Variants in ART3 observed in about 807,000 individuals in gnomAD.
The protein encoded by ART3 is ecto-ADP-ribosyltransferase 3.
ART3 carries 49 observed loss-of-function variants against 48.5 expected under a neutral mutation model. The observed-to-expected ratio is 1.01, with a 90% CI of 0.80 to 1.28. The LOEUF is 1.28. Among genes scored for constraint, ART3 ranks in the 50% most tolerant of loss-of-function variants. ART3 has a pLI of 0.00. For synonymous variants in ART3, 145 were observed against 157.2 expected, an observed-to-expected ratio of 0.92 and a Z score of 0.58; for missense variants, 438 against 454.3, an observed-to-expected ratio of 0.96 and a Z score of 0.33.
intron 1 of ART3, chr4:76,058,481 T>C (rs1274456979): frequency 6.6e-6 from 1 of 152,198 alleles, no homozygotes; most frequent in South Asian, 2.1e-4. Flanking sequence ...AGAGAGTTGA[T>C]TAAATGCATA....
intron 1 of ART3, chr4:76,022,471 G>T: frequency 1.2e-6 from 2 of 1,604,790 alleles, no homozygotes; most frequent in Non-Finnish European, 1.7e-6. Context: ...GAAATAAATA[G>T]GGATGAAAAT....
chr4:76,034,198 A>G (rs905543773), intron 1 of ART3: 1 of 369,080 alleles, frequency 2.7e-6, no homozygotes, highest in African/African-American at 2.1e-5. Context: ...TTGATGTGCT[A>G]CATGATGTTT....
Position 76,112,410 on chromosome 4 carries a change from G to A in ART3, c.1061G>A (p.Gly354Asp), listed in dbSNP as rs773326277. 58 of 1,613,770 alleles carry A rather than the reference G, an allele frequency of 3.6e-5. No homozygotes were observed. The highest frequency in any genetic ancestry group is 4.5e-5 in the East Asian group (2 of 44,876). Residue 354 changes from glycine (G) to aspartate (D), a missense_variant, in exon 12 of 12, where the codon GGT becomes GAT. This residue lies in a region of ART3 where 227 missense variants were observed against 229.6 expected (regional missense o/e 0.99). Transcript: ENST00000355810. The part of the protein sequence containing the change: ...NPTPGPVPVP[G>D]PKSHPSASSG... ...GCTCCAGGTCCAGTTCCTGTTCCAG[G>A]TCCCAAAAGCCATCCTTCTGCATCC...
At chr4:76,082,659 C>A in intron 3 of ART3, 124 bp downstream of exon 3, 1 of 693,722 alleles carries the variant, frequency 1.4e-6, no homozygotes, top group Non-Finnish European at 2.3e-6. Context: ...CGTCTAGCTT[C>A]TTTCATACTA....
intron 1 of ART3, chr4:76,037,165 A>AT (rs1734504052): frequency 6.5e-6 from 1 of 152,730 alleles, no homozygotes; most frequent in South Asian, 2.1e-4. Flanking sequence ...ATTAGGGATC[A>AT]TAAAAAAAAG....
At position 76,104,637 on chromosome 4, in the gene ART3, A is replaced by G. The variant is rs529871489; in HGVS notation, c.1003+8A>G. 1.3e-6 allele frequency: 2 copies of G among 1,551,528 alleles called. No individual in the cohort carries two copies. Among genetic ancestry groups the G allele is most frequent in the African/African-American group, 2.7e-5 (2 of 73,144 alleles). ...AACCTTTTCCACTACCTGGTAAGCA[A>G]CTGATAGGCATGCCAGAGGGGAACA... On this transcript the variant is annotated splice_region_variant and intron_variant, in intron 10 of 11. Transcript: ENST00000355810.
intron 1 of ART3, among the ~76,000 whole-genome samples, chr4:76,051,273 C>A (rs150287409): frequency 4.0e-5 from 6 of 148,214 alleles, no homozygotes; most frequent in African/African-American, 1.5e-4. Flanking sequence ...TTTAGGCATG[C>A]CAATGACTTT....
At chr4:76,106,377 G>C in intron 10 of ART3, 1 of 984,642 alleles carries the variant, frequency 1.0e-6, no homozygotes, top group Non-Finnish European at 1.2e-6. Context: ...AACACGAAAA[G>C]GTGGCTTGCC....
chr4:76,078,252 C>A (rs1721578488), intron 2 of ART3, among the ~76,000 whole-genome samples: 2 of 151,494 alleles, frequency 1.3e-5, no homozygotes, highest in Non-Finnish European at 2.9e-5. Flanking sequence ...TGGTGTCTGG[C>A]CAGAAAGACT....
At chr4:76,104,699 A>G (rs1268661757) in intron 10 of ART3, 70 bp downstream of exon 10, 1 of 1,519,734 alleles carries the variant, frequency 6.6e-7, no homozygotes, top group Non-Finnish European at 8.9e-7. Context: ...TTAGATATGC[A>G]TGGGACTTTC....
chr4:76,022,934 T>A, intron 1 of ART3: 1 of 1,012,710 alleles, frequency 9.9e-7, no homozygotes, highest in South Asian at 1.6e-5. Context: ...AGTCACTTAA[T>A]CTGAGGAGGA....
intron 1 of ART3, among the ~76,000 whole-genome samples, chr4:76,041,619 A>T (rs1486191093): frequency 8.7e-5 from 8 of 92,312 alleles, no homozygotes; most frequent in Non-Finnish European, 1.4e-4. Context: ...ATGAAAATAT[A>T]TTATTTCAAT....
intron 1 of ART3, among the ~76,000 whole-genome samples, chr4:76,045,830 A>C (rs1206108875): frequency 1.3e-5 from 2 of 152,048 alleles, no homozygotes; most frequent in Non-Finnish European, 2.9e-5. Flanking sequence ...AAAGCCAGTA[A>C]TTCCAAGGAA....
chr4:76,083,288 A>G (rs905540831), intron 3 of ART3, among the ~76,000 whole-genome samples: 17 of 152,082 alleles, frequency 1.1e-4, no homozygotes, highest in African/African-American at 2.7e-4. Context: ...TCTTTTAGCT[A>G]TTTCTTCAGG....
intron 1 of ART3, among the ~76,000 whole-genome samples, chr4:76,042,332 T>A (rs1396673509): frequency 1.3e-5 from 2 of 152,208 alleles, no homozygotes; most frequent in Non-Finnish European, 2.9e-5. Flanking sequence ...TTTATTCAGT[T>A]AAGTTAGTGA....
intron 1 of ART3, among the ~76,000 whole-genome samples, chr4:76,050,422 C>A (rs184844948): frequency 6.6e-6 from 1 of 152,156 alleles, no homozygotes; most frequent in South Asian, 2.1e-4. Flanking sequence ...TAGCTAGATA[C>A]GGAGTGTCAA....
intron 10 of ART3, chr4:76,105,863 C>T (rs775656180): frequency 4.0e-5 from 39 of 985,368 alleles, no homozygotes; most frequent in Non-Finnish European, 4.7e-5. Context: ...AATCTGTAGA[C>T]ATAGAAATAG....
At chr4:76,078,681 G>T (rs996270059) in intron 2 of ART3, among the ~76,000 whole-genome samples, 2 of 152,050 alleles carry the variant, frequency 1.3e-5, no homozygotes, top group African/African-American at 4.8e-5. Context: ...TATAAATGTT[G>T]TAATGAAGAC....
At chr4:76,014,865 A>G (rs553734080) in intron 1 of ART3, among the ~76,000 whole-genome samples, 3 of 152,242 alleles carry the variant, frequency 2.0e-5, no homozygotes, top group Non-Finnish European at 4.4e-5. Flanking sequence ...ATTTCTTATC[A>G]GAAGCCAAGG....
Sources: gnomAD v4.1 joint callset for allele counts (sites outside exome capture counted in the v4.1 genomes callset) on GRCh38, gnomAD v4.1.1 for gene constraint, gnomAD v4.1.1 regional missense constraint, MANE v1.5 for transcripts, NCBI Gene and HGNC (gene_info 2026-07-23, HGNC 2026-07-21) for gene names.